The following PPHLN1 variants were observed in gnomAD, a reference collection of about 807,000 sequenced individuals.
PPHLN1 encodes the protein periphilin-1.
A neutral mutation model predicts 51.3 loss-of-function variants in PPHLN1; 29 were observed. The observed-to-expected ratio is 0.57, with a 90% CI of 0.42 to 0.77. The LOEUF is 0.77. PPHLN1 is among the 30% of genes least tolerant of loss of function. The pLI, the probability that PPHLN1 is intolerant of heterozygous loss-of-function variation, is 0.00. For missense variants in PPHLN1, 436 were observed against 438.4 expected (o/e 0.99, Z 0.05); for synonymous variants, 147 against 147.8 (o/e 0.99, Z 0.04).
Position 42,374,853 on chromosome 12 carries a change from T to TC in PPHLN1, c.300-10_300-9insC, listed in dbSNP as rs780429379. ...AATTAACTTATTTTATGTTTTTTTT[T>TC]TTTTCAAAGGGACATGAGAGATGGC... On this transcript the variant is annotated splice_polypyrimidine_tract_variant and intron_variant, in intron 4 of 9. Coordinates refer to ENST00000358314, the MANE Select transcript of PPHLN1 (RefSeq NM_201439.2). 2.5e-6 allele frequency: 4 copies of TC among 1,576,090 alleles called. No homozygotes were observed. Among genetic ancestry groups the TC allele is most frequent in the Middle Eastern group, 1.7e-4 (1 of 5,852 alleles).
chr12:42,355,891 T>C (rs966958736), intron 4 of PPHLN1, among the ~76,000 whole-genome samples: 2 of 152,208 alleles, frequency 1.3e-5, no homozygotes, highest in African/African-American at 4.8e-5. Flanking sequence ...AAGGCTTTTT[T>C]TCAGAAGTAT....
Position 42,355,184 on chromosome 12 carries a change from A to C in PPHLN1, c.261A>C (p.Thr87=). Residue 87 remains threonine (T), a synonymous_variant, in exon 4 of 10, where the codon ACA becomes ACC. Transcript: ENST00000358314. ...AGGATGAATCTGGTTATAGATGGAC[A>C]AGAGACGATCATTCTGCAAGCAGGC... The part of the protein sequence containing the change: ...HRGDESGYRW[T]RDDHSASRQP... 6.2e-7 allele frequency: 1 copy of C among 1,613,778 alleles called. No homozygotes were observed. The highest frequency in any genetic ancestry group is 8.5e-7 in the Non-Finnish European group (1 of 1,179,818).
chr12:42,362,787 C>T (rs1185584757), intron 4 of PPHLN1, among the ~76,000 whole-genome samples: 5 of 152,224 alleles, frequency 3.3e-5, no homozygotes, highest in African/African-American at 1.2e-4. Context: ...TTAGGAGAGA[C>T]AGTCCTCCAT....
At chr12:42,327,476 G>A (rs2068978422) in intron 1 of PPHLN1, among the ~76,000 whole-genome samples, 1 of 152,124 alleles carries the variant, frequency 6.6e-6, no homozygotes, top group Non-Finnish European at 1.5e-5. Flanking sequence ...TCTTCACAAA[G>A]GCTCTTTTCT....
intron 1 of PPHLN1, among the ~76,000 whole-genome samples, chr12:42,328,776 C>G (rs2069193173): frequency 6.6e-6 from 1 of 152,138 alleles, no homozygotes; most frequent in East Asian, 1.9e-4. Flanking sequence ...GTGGCACGAT[C>G]ATGGCTCACT....
intron 8 of PPHLN1, among the ~76,000 whole-genome samples, chr12:42,397,037 CAA>C (rs34558119): frequency 6.2e-5 from 8 of 128,984 alleles, no homozygotes; most frequent in Non-Finnish European, 4.9e-5. Flanking sequence ...GACCTAGTCT[CAA>C]AAAAAAAAAA....
chr12:42,360,638 G>T (rs1399927881), intron 4 of PPHLN1, among the ~76,000 whole-genome samples: 1 of 151,712 alleles, frequency 6.6e-6, no homozygotes, highest in Non-Finnish European at 1.5e-5. Flanking sequence ...GGGACTACAG[G>T]CGTGTGCCAC....
chr12:42,332,936 C>T (rs1478407104), intron 1 of PPHLN1, among the ~76,000 whole-genome samples: 1 of 151,990 alleles, frequency 6.6e-6, no homozygotes, highest in African/African-American at 2.4e-5. Flanking sequence ...GAATGATTTT[C>T]AGGAACTTTA....
chr12:42,446,259 T>C, downstream of PPHLN1: 1 of 1,609,054 alleles, frequency 6.2e-7, no homozygotes, highest in East Asian at 2.2e-5. Flanking sequence ...TTCCTTGCTA[T>C]GCTCTCTGTT....
In PPHLN1 at chr12:42,349,020, C is replaced by T. The variant is rs150242207; in HGVS notation, c.73-2865C>T. ...AAAAATTAGTTAGATCTTTTAAGCTCTCAAATAAATACAAACTACTGATTT... is the reference window on the plus strand; with the variant it reads ...AAAAATTAGTTAGATCTTTTAAGCTTTCAAATAAATACAAACTACTGATTT... On this transcript the variant is annotated intron_variant, in intron 2 of 9. Transcript: ENST00000358314. Among the ~76,000 whole-genome samples, 693 of 152,262 alleles carry T rather than the reference C, an allele frequency of 4.6e-3. 5 individuals carry two copies. Among genetic ancestry groups the T allele is most frequent in the African/African-American group, 0.016 (657 of 41,544 alleles).
intron 9 of PPHLN1, among the ~76,000 whole-genome samples, chr12:42,403,936 T>A (rs960101049): frequency 5.9e-5 from 9 of 151,996 alleles, no homozygotes; most frequent in Non-Finnish European, 1.0e-4. Context: ...AGGTCAACAA[T>A]TTTTTTTAGT....
intron 3 of PPHLN1, among the ~76,000 whole-genome samples, chr12:42,352,473 G>T (rs1006818572): frequency 2.0e-5 from 3 of 150,502 alleles, no homozygotes; most frequent in African/African-American, 7.3e-5. Flanking sequence ...GCAGTGGCGC[G>T]ATCTCGGCTC....
intron 2 of PPHLN1, among the ~76,000 whole-genome samples, chr12:42,340,780 T>C (rs1418712201): frequency 6.6e-6 from 1 of 152,198 alleles, no homozygotes; most frequent in Non-Finnish European, 1.5e-5. Context: ...TGTACACTTT[T>C]TTATATGTAT....
At chr12:42,426,213 CACACACACA>C (rs2081462507) in intron 9 of PPHLN1, among the ~76,000 whole-genome samples, 1 of 144,528 alleles carries the variant, frequency 6.9e-6, no homozygotes, top group Admixed American at 6.8e-5. Flanking sequence ...CACACACACA[CACACACACA>C]CACACACCCT....
Position 42,369,271 on chromosome 12 carries a change from T to C in PPHLN1, c.300-5592T>C, listed in dbSNP as rs550797316. ...CTGCATAAAGATTCTTTTACTGAAG[T>C]TCTCGGCATTTCATCCTCTGTAAAG... On this transcript the variant is annotated intron_variant, in intron 4 of 9. Transcript: ENST00000358314. Among the ~76,000 whole-genome samples the C allele has an allele frequency of 8.5e-5, 13 of 152,342 alleles. No individual in the cohort carries two copies. In the South Asian group the frequency reaches 2.1e-3, roughly 24 times the overall value.
intron 3 of PPHLN1, 71 bp from the exon 4 acceptor site, chr12:42,355,090 G>A (rs532699787): frequency 7.2e-6 from 10 of 1,382,362 alleles, no homozygotes; most frequent in African/African-American, 1.4e-5. Flanking sequence ...GTTTCTGGTA[G>A]TATTGTTAGA....
At chr12:42,330,376 G>A (rs1387392021) in intron 1 of PPHLN1, among the ~76,000 whole-genome samples, 2 of 152,188 alleles carry the variant, frequency 1.3e-5, no homozygotes, top group Non-Finnish European at 1.5e-5. Flanking sequence ...GCTGGGGGAC[G>A]GTCAGGTCTT....
chr12:42,442,059 C>A lies in PPHLN1; in HGVS notation c.*550C>A. On this transcript the variant is annotated 3_prime_UTR_variant, in exon 10 of 10. Coordinates refer to ENST00000358314, the MANE Select transcript of PPHLN1 (RefSeq NM_201439.2). ...AAAATCCGTTTTTCCAAGTAATGAACTCAGTGTCTTCTATTACAATAATCC... is the reference window on the plus strand; with the variant it reads ...AAAATCCGTTTTTCCAAGTAATGAAATCAGTGTCTTCTATTACAATAATCC... The A allele has an allele frequency of 1.4e-6, 1 of 728,832 alleles. No individual in the cohort carries two copies. The highest frequency in any genetic ancestry group is 1.7e-6 in the Non-Finnish European group (1 of 596,052). The allele number at this position is 728,832 out of a possible 1,614,324, so 45.1% of individuals were successfully genotyped here.
intron 2 of PPHLN1, among the ~76,000 whole-genome samples, chr12:42,349,805 C>G (rs1024866910): frequency 1.2e-4 from 18 of 152,322 alleles, no homozygotes; most frequent in African/African-American, 4.3e-4. Flanking sequence ...ACGTCTACTT[C>G]TTTCTACACA....
Sources: gnomAD v4.1 joint callset for allele counts (sites outside exome capture counted in the v4.1 genomes callset) on GRCh38, gnomAD v4.1.1 for gene constraint, MANE v1.5 for transcripts, NCBI Gene and HGNC (gene_info 2026-07-23, HGNC 2026-07-21) for gene names.